WWOX: variants seen among roughly 807,000 people sequenced by gnomAD.
WWOX encodes WW domain containing oxidoreductase.
A neutral mutation model predicts 46.2 loss-of-function variants in WWOX; 69 were observed. That is an observed-to-expected ratio of 1.49 (90% CI 1.23 to 1.82). The LOEUF (loss-of-function observed/expected upper bound fraction) is 1.82. WWOX is among the 40% of genes most tolerant of loss of function. The pLI, the probability that WWOX is intolerant of heterozygous loss-of-function variation, is 0.00. For missense variants in WWOX, 919 were observed against 542.6 expected, an observed-to-expected ratio of 1.69 and a Z score of -6.89; for synonymous variants, 359 against 202.6, an observed-to-expected ratio of 1.77 and a Z score of -6.56.
At chr16:78,439,919 T>C (rs2083409112) in intron 8 of WWOX, among the ~76,000 whole-genome samples, 1 of 152,222 alleles carries the variant, frequency 6.6e-6, no homozygotes, top group South Asian at 2.1e-4. Flanking sequence ...AGGCTCCTCA[T>C]TGCATGCCTT....
chr16:78,781,319 A>G (rs1367995699), intron 8 of WWOX, among the ~76,000 whole-genome samples: 1 of 152,178 alleles, frequency 6.6e-6, no homozygotes, highest in South Asian at 2.1e-4. Flanking sequence ...TTGGAAGGAC[A>G]GGAAAGGGGA....
At chr16:78,595,801 C>G (rs1312358021) in intron 8 of WWOX, among the ~76,000 whole-genome samples, 3 of 152,226 alleles carry the variant, frequency 2.0e-5, no homozygotes. Flanking sequence ...TGAGAAGATT[C>G]AAAACCCGCT....
chr16:78,152,382 A>G lies in WWOX; in HGVS notation c.410-11801A>G, dbSNP rs562351165. On this transcript the variant is annotated intron_variant, in intron 4 of 8. Coordinates refer to ENST00000566780, the MANE Select transcript of WWOX (RefSeq NM_016373.4). ...ATGCCGTACTGAATATTCCTCCCAC[A>G]TATTTGCAAGTCTATTTGTAGGATA... Among the ~76,000 whole-genome samples, 3 of 152,146 alleles carry G rather than the reference A, an allele frequency of 2.0e-5. No homozygotes were observed. In the South Asian group the frequency reaches 6.2e-4, roughly 32 times the overall value.
intron 8 of WWOX, among the ~76,000 whole-genome samples, chr16:78,479,543 A>G (rs1428844840): frequency 1.3e-5 from 2 of 152,202 alleles, no homozygotes; most frequent in Non-Finnish European, 2.9e-5. Flanking sequence ...GCATGATGGT[A>G]TAGAATAAGA....
intron 7 of WWOX, 116 bp from the exon 8 acceptor site, chr16:78,432,372 C>A: frequency 7.1e-7 from 1 of 1,404,598 alleles, no homozygotes; most frequent in Non-Finnish European, 9.9e-7. Flanking sequence ...TCCCAAAGTG[C>A]TCGGATTACA....
chr16:79,192,209 T>C (rs1306264009), intron 8 of WWOX, among the ~76,000 whole-genome samples: 1 of 152,226 alleles, frequency 6.6e-6, no homozygotes, highest in Non-Finnish European at 1.5e-5. Context: ...TTTTAAAGTC[T>C]GGGTAAGCAC....
At chr16:78,210,099 A>G (rs190802705) in intron 5 of WWOX, among the ~76,000 whole-genome samples, 3 of 152,298 alleles carry the variant, frequency 2.0e-5, no homozygotes, top group East Asian at 3.9e-4. Context: ...GAAGTTCCAG[A>G]CGCCGAGCTT....
chr16:78,540,702 AAAAAAATGGGGTCTC>A (rs2043870779), intron 8 of WWOX, among the ~76,000 whole-genome samples: 1 of 152,022 alleles, frequency 6.6e-6, no homozygotes, highest in Non-Finnish European at 1.5e-5. Flanking sequence ...TTGTTAAAAA[AAAAAAATGGGGTCTC>A]ATTCTGTTGC....
At chr16:78,104,151 C>G (rs1006408386) in intron 1 of WWOX, among the ~76,000 whole-genome samples, 1 of 151,894 alleles carries the variant, frequency 6.6e-6, no homozygotes, top group African/African-American at 2.4e-5. Context: ...AGTCAGAGGC[C>G]TCAATGGTGC....
intron 8 of WWOX, among the ~76,000 whole-genome samples, chr16:78,826,405 C>G (rs2051658168): frequency 6.6e-6 from 1 of 152,216 alleles, no homozygotes; most frequent in Non-Finnish European, 1.5e-5. Context: ...CATTCAGAAT[C>G]AAGGCAGGGC....
intron 6 of WWOX, among the ~76,000 whole-genome samples, chr16:78,403,458 G>A (rs1394241359): frequency 6.6e-6 from 1 of 152,170 alleles, no homozygotes; most frequent in Admixed American, 6.5e-5. Context: ...TTGTATTGCT[G>A]CTTTAGTATT....
intron 8 of WWOX, among the ~76,000 whole-genome samples, chr16:78,659,556 T>A (rs571599941): frequency 1.3e-5 from 2 of 152,282 alleles, no homozygotes; most frequent in South Asian, 4.1e-4. Context: ...AAAAAACCTT[T>A]CGAGACATCA....
intron 5 of WWOX, among the ~76,000 whole-genome samples, chr16:78,331,464 G>C (rs1040052754): frequency 6.6e-6 from 1 of 152,290 alleles, no homozygotes; most frequent in African/African-American, 2.4e-5. Context: ...ATATGTAGGT[G>C]AGATTCTTTG....
In WWOX at chr16:78,348,488, G is replaced by A. The variant is rs1008784740; in HGVS notation, c.517-38372G>A. Among the ~76,000 whole-genome samples, 6 of 120,830 alleles carry A rather than the reference G, an allele frequency of 5.0e-5. 2 individuals are homozygous for A. The highest frequency in any genetic ancestry group is 4.8e-4 in the Admixed American group (6 of 12,490). 79.3% of individuals were successfully genotyped at this position (120,830 alleles called of 152,430 possible). A position where few individuals can be genotyped will look rare whatever the true frequency, so the allele number is the denominator to read the frequency against. On this transcript the variant is annotated intron_variant, in intron 5 of 8. Transcript: ENST00000566780. ...TTTTATTTTAGTTTTTTGAGACAGG[G>A]TCTCTGTCGCTCAGGCTGGATTGAG...
intron 4 of WWOX, among the ~76,000 whole-genome samples, chr16:78,134,563 T>C (rs906758551): frequency 2.0e-5 from 3 of 152,212 alleles, no homozygotes; most frequent in African/African-American, 7.2e-5. Flanking sequence ...CATATTTTAC[T>C]TTAATTTCTG....
At chr16:79,029,420 G>A (rs1862839) in intron 8 of WWOX, among the ~76,000 whole-genome samples, 2 of 151,948 alleles carry the variant, frequency 1.3e-5, no homozygotes. Context: ...GTCAAAACAT[G>A]TGTGCACCAG....
intron 8 of WWOX, among the ~76,000 whole-genome samples, chr16:79,171,278 T>C (rs1255263829): frequency 1.3e-5 from 2 of 152,214 alleles, no homozygotes; most frequent in African/African-American, 4.8e-5. Flanking sequence ...AGTATTCTGA[T>C]AATGGCTTTC....
chr16:78,188,397 A>C lies in WWOX; in HGVS notation c.516+24108A>C, dbSNP rs1038063944. ...CAGCTACTCGGGAGGCTGAGGCAGG[A>C]CAATGGCGTGAACCCAGGAGGCGGA... is the stretch of plus-strand genomic sequence containing the variant. On this transcript the variant is annotated intron_variant, in intron 5 of 8. Coordinates refer to ENST00000566780, the MANE Select transcript of WWOX (RefSeq NM_016373.4). 2.0e-5 allele frequency among the ~76,000 whole-genome samples: 3 copies of C among 151,734 alleles called. No homozygotes were observed. The East Asian group carries it at 5.8e-4, about 29-fold the overall frequency.
intron 5 of WWOX, among the ~76,000 whole-genome samples, chr16:78,353,896 C>A (rs1032283252): frequency 6.6e-6 from 1 of 152,210 alleles, no homozygotes; most frequent in African/African-American, 2.4e-5. Context: ...CGTAAAATTC[C>A]TGGGTGATGG....
Sources: gnomAD v4.1 joint callset for allele counts (sites outside exome capture counted in the v4.1 genomes callset) on GRCh38, gnomAD v4.1.1 for gene constraint, MANE v1.5 for transcripts, NCBI Gene and HGNC (gene_info 2026-07-23, HGNC 2026-07-21) for gene names.